F8: variants seen among roughly 807,000 people sequenced by gnomAD.
The protein encoded by F8 is antihemophilic factor.
A neutral mutation model predicts 140.6 loss-of-function variants in F8; 12 were observed. The ratio of observed to expected loss-of-function variants is 0.09; its 90% CI spans 0.05 to 0.14. F8 has a LOEUF of 0.14. F8 is among the 10% of genes least tolerant of loss of function. F8 has a pLI of 1.00. For synonymous variants in F8, 585 were observed against 614.6 expected (o/e 0.95, Z 0.71); for missense variants, 1,354 against 1,720.7 (o/e 0.79, Z 3.77).
chrX:154,936,792 A>T (rs1190017728), intron 13 of F8, among the ~76,000 whole-genome samples: 1 of 111,819 alleles, frequency 8.9e-6, no homozygotes, highest in Non-Finnish European at 1.9e-5. Context: ...TTTCAAATGC[A>T]GTGGGCCATT....
chrX:155,000,469 C>T (rs1557285509), intron 1 of F8, among the ~76,000 whole-genome samples: 1 of 112,351 alleles, frequency 8.9e-6, no homozygotes, highest in African/African-American at 3.2e-5. Flanking sequence ...TTTTATGCTT[C>T]TGGACATCTA....
chrX:154,986,606 G>A (rs1474184858), intron 5 of F8, among the ~76,000 whole-genome samples: 4 of 111,491 alleles, frequency 3.6e-5, no homozygotes, highest in African/African-American at 1.3e-4. Context: ...AAGTATTGTA[G>A]AGGCTAGAGT....
chrX:154,881,731 G>A (rs1175685905), intron 22 of F8, among the ~76,000 whole-genome samples: 1 of 110,510 alleles, frequency 9.0e-6, no homozygotes, highest in Non-Finnish European at 1.9e-5. Context: ...GGGCATCCAT[G>A]AAAAACCCAG....
chrX:155,015,557 C>T (rs1162635008), intron 1 of F8, among the ~76,000 whole-genome samples: 4 of 112,095 alleles, frequency 3.6e-5, no homozygotes, highest in Non-Finnish European at 7.5e-5. Context: ...AGTGAATTAA[C>T]ACAGGAACTG....
intron 25 of F8, among the ~76,000 whole-genome samples, chrX:154,847,490 T>G (rs1439943558): frequency 4.6e-5 from 5 of 109,227 alleles, no homozygotes; most frequent in African/African-American, 1.3e-4. Flanking sequence ...TTTCTTTTTA[T>G]TCTTTTTTCT....
intron 25 of F8, among the ~76,000 whole-genome samples, chrX:154,841,137 T>G (rs2072517042): frequency 9.1e-6 from 1 of 110,011 alleles, no homozygotes; most frequent in Admixed American, 9.7e-5. Flanking sequence ...CCAAAGAGGT[T>G]TGTGGGTCTT....
chrX:154,841,333 T>C (rs903711661), intron 25 of F8, among the ~76,000 whole-genome samples: 2 of 107,632 alleles, frequency 1.9e-5, no homozygotes, highest in South Asian at 8.2e-4. Context: ...GGTTATTCTA[T>C]AGATGGGTTA....
At chrX:154,939,186 T>G (rs1485394092) in intron 13 of F8, among the ~76,000 whole-genome samples, 2 of 111,184 alleles carry the variant, frequency 1.8e-5, no homozygotes, top group Admixed American at 1.9e-4. Context: ...GTGGGTGCAG[T>G]GCACTGTGCG....
chrX:154,906,588 C>T lies in F8; in HGVS notation c.5220-15G>A, dbSNP rs2073039739. On this transcript the variant is annotated splice_polypyrimidine_tract_variant and intron_variant, in intron 14 of 25. Coordinates refer to ENST00000360256, the MANE Select transcript of F8 (RefSeq NM_000132.4). ...CACTCTGAGCCCTGGAGAAAAAAAG[C>T]AGAGGAAAAGCAATAATTTTATGTA... 3.3e-6 allele frequency: 4 copies of T among 1,206,027 alleles called. No individual in the cohort carries two copies. The highest frequency in any genetic ancestry group is 4.5e-6 in the Non-Finnish European group (4 of 892,492).
chrX:154,954,994 T>A (rs1282014231), intron 11 of F8, among the ~76,000 whole-genome samples: 6 of 110,762 alleles, frequency 5.4e-5, no homozygotes, highest in African/African-American at 2.0e-4. Context: ...CTCAGCAATA[T>A]GGCACTGAGT....
chrX:154,980,043 G>A (rs1557283393), intron 6 of F8, among the ~76,000 whole-genome samples: 1 of 111,535 alleles, frequency 9.0e-6, no homozygotes, highest in African/African-American at 3.3e-5. Flanking sequence ...CAGGCAAACA[G>A]GCCTTATTTC....
intron 25 of F8, among the ~76,000 whole-genome samples, chrX:154,845,330 T>G (rs2072556820): frequency 8.9e-6 from 1 of 112,204 alleles, no homozygotes; most frequent in South Asian, 3.7e-4. Context: ...GAGGATTCCA[T>G]CTTTTTCTAT....
At chrX:154,939,600 A>G (rs1223555501) in intron 13 of F8, among the ~76,000 whole-genome samples, 1 of 112,817 alleles carries the variant, frequency 8.9e-6, no homozygotes, top group Non-Finnish European at 1.9e-5. Flanking sequence ...CAGGGCACAG[A>G]CAAACAAAAG....
intron 14 of F8, among the ~76,000 whole-genome samples, chrX:154,920,663 A>C: frequency 9.0e-6 from 1 of 110,583 alleles, no homozygotes; most frequent in East Asian, 2.8e-4. Flanking sequence ...ATCCTGCCCA[A>C]GTTAGTCTCA....
chrX:154,989,465 C>G (rs782412935), intron 4 of F8, among the ~76,000 whole-genome samples: 4 of 111,471 alleles, frequency 3.6e-5, no homozygotes, highest in Non-Finnish European at 7.5e-5. Context: ...ATTCTGTTTT[C>G]CAGAATGGCT....
At chrX:154,932,252 C>T (rs2073202323) in intron 13 of F8, among the ~76,000 whole-genome samples, 1 of 112,069 alleles carries the variant, frequency 8.9e-6, no homozygotes, top group Non-Finnish European at 1.9e-5. Context: ...CCACTGTCAC[C>T]CACTTGCAGA....
intron 1 of F8, among the ~76,000 whole-genome samples, chrX:155,007,536 T>C (rs2124158178): frequency 9.0e-6 from 1 of 111,597 alleles, no homozygotes; most frequent in South Asian, 3.8e-4. Flanking sequence ...AGGAATGGGG[T>C]CACATAGCAG....
rs782787909 is a variant in F8 at position 154,985,375 on chromosome X, G to T, written c.671-572C>A. ...CACTTGAACCTGGGAGGTGGACGTT[G>T]CAGTGAGCCAAGATTGTGCCACTGC... On this transcript the variant is annotated intron_variant, in intron 5 of 25. Coordinates refer to ENST00000360256, the MANE Select transcript of F8 (RefSeq NM_000132.4). 1.6e-4 allele frequency among the ~76,000 whole-genome samples: 18 copies of T among 110,975 alleles called. No individual in the cohort carries two copies. The East Asian group carries it at 4.8e-3, about 30-fold the overall frequency.
chrX:155,013,106 A>T (rs782544562), intron 1 of F8, among the ~76,000 whole-genome samples: 1 of 95,472 alleles, frequency 1.0e-5, no homozygotes, highest in Admixed American at 1.2e-4. Context: ...AGATCGCACC[A>T]CTGCACTCCA....
Sources: allele counts gnomAD v4.1 joint callset (sites outside exome capture counted in the v4.1 genomes callset), GRCh38; gene constraint gnomAD v4.1.1; transcripts MANE v1.5; gene names NCBI Gene and HGNC (gene_info 2026-07-23, HGNC 2026-07-21).